The following DNAH11 variants were observed in gnomAD, a reference collection of about 807,000 sequenced individuals.
DNAH11 encodes the protein axonemal beta dynein heavy chain 11.
A neutral mutation model predicts 526.0 loss-of-function variants in DNAH11; 442 were observed. The observed-to-expected ratio is 0.84, with a 90% CI of 0.78 to 0.91. DNAH11 has a LOEUF of 0.91. DNAH11 is among the 40% of genes least tolerant of loss of function. The pLI, the probability that DNAH11 is intolerant of heterozygous loss-of-function variation, is 0.00. For missense variants in DNAH11, 6,989 were observed against 5,448.7 expected, an observed-to-expected ratio of 1.28 and a Z score of -8.90; for synonymous variants, 2,461 against 1,935.9, an observed-to-expected ratio of 1.27 and a Z score of -7.12.
chr7:21,872,234 T>G (rs1783531418), intron 73 of DNAH11, among the ~76,000 whole-genome samples: 1 of 151,566 alleles, frequency 6.6e-6, no homozygotes, highest in African/African-American at 2.4e-5. Flanking sequence ...TGCTGGGGGT[T>G]AAGACTTCAC....
intron 66 of DNAH11, among the ~76,000 whole-genome samples, chr7:21,847,004 TATC>T (rs527484974): frequency 1.0e-3 from 154 of 152,308 alleles, no homozygotes; most frequent in Admixed American, 2.5e-3. Flanking sequence ...ATTCTTTTAT[TATC>T]CTTTAATATT....
At chr7:21,698,315 T>C in intron 36 of DNAH11, 102 bp downstream of exon 36, 2 of 1,493,260 alleles carry the variant, frequency 1.3e-6, no homozygotes, top group South Asian at 2.6e-5. Context: ...CATTAGACAT[T>C]AAAATTTTTT....
At chr7:21,591,129 CAG>C (rs72655995) in intron 13 of DNAH11, 54 bp from the exon 14 acceptor site, 61,166 of 1,521,782 alleles carry the variant, frequency 0.04, 1,377 homozygotes, top group South Asian at 0.052. Context: ...ACCTTTAAGA[CAG>C]AGAAAATAGC....
At position 21,606,480 on chromosome 7, in the gene DNAH11, G is replaced by A; in HGVS notation, c.3703G>A (p.Glu1235Lys). ...AAAGATCGCAGCAACTGTCAGACAT[G>A]AAGTCTCACCTCTCCATAATGCGGA... ...TKKIAATVRH[E>K]VSPLHNAEVT... The change falls in exon 19 of 82, where the codon GAA (glutamate) becomes AAA (lysine). Residue 1235 changes from glutamate to lysine, a missense_variant. Glu to Lys is a moderately conservative substitution (Grantham distance 56). Transcript: ENST00000409508. 6.2e-7 allele frequency: 1 copy of A among 1,611,132 alleles called. No individual in the cohort carries two copies.
chr7:21,634,564 C>G (rs1175906267), intron 25 of DNAH11, among the ~76,000 whole-genome samples: 2 of 152,142 alleles, frequency 1.3e-5, no homozygotes, highest in Non-Finnish European at 2.9e-5. Context: ...GTGAGAAATA[C>G]TAGCTAGGCT....
chr7:21,894,413 G>A (rs1223086781), intron 77 of DNAH11, among the ~76,000 whole-genome samples: 1 of 152,202 alleles, frequency 6.6e-6, no homozygotes, highest in South Asian at 2.1e-4. Flanking sequence ...TGCTGGCACT[G>A]GTACAGAGGC....
chr7:21,778,932 CG>C, intron 56 of DNAH11, 25 bp from the exon 57 acceptor site: 1 of 1,609,250 alleles, frequency 6.2e-7, no homozygotes, highest in South Asian at 1.1e-5. Flanking sequence ...AGGCCAGTGA[CG>C]TAAGAATAAT....
intron 35 of DNAH11, among the ~76,000 whole-genome samples, chr7:21,696,691 G>A (rs1465665522): frequency 1.3e-5 from 2 of 152,128 alleles, no homozygotes; most frequent in Non-Finnish European, 2.9e-5. Flanking sequence ...GAGGCCATAT[G>A]CTTGTGCCTT....
At chr7:21,748,329 C>T (rs1786244778) in intron 51 of DNAH11, among the ~76,000 whole-genome samples, 1 of 152,180 alleles carries the variant, frequency 6.6e-6, no homozygotes, top group African/African-American at 2.4e-5. Flanking sequence ...ACTAAAAATA[C>T]AAAAATCAGC....
intron 64 of DNAH11, 103 bp downstream of exon 64, chr7:21,816,805 G>A (rs576907433): frequency 9.0e-6 from 8 of 889,644 alleles, no homozygotes; most frequent in Non-Finnish European, 1.4e-5. Flanking sequence ...CCACATTGAT[G>A]TATTACAATT....
Position 21,562,933 on chromosome 7 carries a change from T to A in DNAH11, c.983-1253T>A, listed in dbSNP as rs1300614955. Reference sequence around the variant, plus strand: ...CCTGGTGACAAAATTCAGCAGGGTTTTTTTTGTTCTTGACACAAGTCTTTT... The same window carrying A: ...CCTGGTGACAAAATTCAGCAGGGTTATTTTTGTTCTTGACACAAGTCTTTT... On this transcript the variant is annotated intron_variant, in intron 5 of 81. Coordinates refer to ENST00000409508, the MANE Select transcript of DNAH11 (RefSeq NM_001277115.2). Among the ~76,000 whole-genome samples the A allele has an allele frequency of 2.6e-5, 4 of 152,192 alleles. No homozygotes were observed. The East Asian group carries it at 7.7e-4, about 29-fold the overall frequency.
In DNAH11 at chr7:21,886,865, AG is replaced by A. The variant is rs146664472; in HGVS notation, c.12507+2457del. On this transcript the variant is annotated intron_variant, in intron 76 of 81. Transcript: ENST00000409508. Reference sequence around the variant, plus strand: ...TACATACAGATCTGGCGAGGTTTCCAGGATTGAAATGCTTCATTTTGCAAGC... The same window carrying A: ...TACATACAGATCTGGCGAGGTTTCCAGATTGAAATGCTTCATTTTGCAAGC... Among the ~76,000 whole-genome samples, 325 of 152,340 alleles carry A rather than the reference AG, an allele frequency of 2.1e-3. 6 individuals are homozygous for A. The East Asian group carries it at 0.04, about 19-fold the overall frequency.
At chr7:21,773,570 T>G (rs1367587321) in intron 55 of DNAH11, among the ~76,000 whole-genome samples, 196 bp from the exon 56 acceptor site, 5 of 152,174 alleles carry the variant, frequency 3.3e-5, no homozygotes, top group African/African-American at 1.2e-4. Flanking sequence ...AAGAAGAAGG[T>G]TACTCAAGCT....
At chr7:21,726,890 A>AAAAAAAAAAAAAAAAAAAG (rs1785136803) in intron 45 of DNAH11, among the ~76,000 whole-genome samples, 1 of 117,616 alleles carries the variant, frequency 8.5e-6, no homozygotes, top group African/African-American at 3.2e-5. Context: ...AAAAAAAAAA[A>AAAAAAAAAAAAAAAAAAAG]AGAATGCTTA....
chr7:21,646,605 A>T (rs2128462448), intron 28 of DNAH11, among the ~76,000 whole-genome samples: 1 of 152,304 alleles, frequency 6.6e-6, no homozygotes, highest in Non-Finnish European at 1.5e-5. Flanking sequence ...ACATGTGAGG[A>T]AACTACCCAG....
chr7:21,743,840 A>G (rs1029599), intron 49 of DNAH11, among the ~76,000 whole-genome samples: 34,194 of 152,002 alleles, frequency 0.22, 4,243 homozygotes, highest in African/African-American at 0.32. Context: ...AGCCTTTTGC[A>G]GCTCAGTTCT....
chr7:21,725,931 C>G lies in DNAH11; in HGVS notation c.7387C>G (p.Pro2463Ala). 1.3e-6 allele frequency: 2 copies of G among 1,567,224 alleles called. No homozygotes were observed. The highest frequency in any genetic ancestry group is 1.7e-6 in the Non-Finnish European group (2 of 1,154,888). The change falls in exon 45 of 82, where the codon CCC becomes GCC. Residue 2463 changes from proline to alanine, a missense_variant. By Grantham distance (27) the Pro-to-Ala change is conservative. Coordinates refer to ENST00000409508, the MANE Select transcript of DNAH11 (RefSeq NM_001277115.2). The stretch of plus-strand genomic sequence containing the variant: ...GGACCACAAAACTAAGAAATTATTG[C>G]CCTGGGCTGACAAAATTGCCCAGTT... ...YVDHKTKKLL[P>A]WADKIAQFTM...
intron 29 of DNAH11, among the ~76,000 whole-genome samples, chr7:21,656,576 T>A (rs1039496772): frequency 2.6e-5 from 4 of 152,144 alleles, no homozygotes; most frequent in Non-Finnish European, 5.9e-5. Context: ...AATGGCTCAT[T>A]ATGATTTCTG....
At chr7:21,840,198 T>A (rs1006326812) in intron 65 of DNAH11, among the ~76,000 whole-genome samples, 6 of 152,220 alleles carry the variant, frequency 3.9e-5, no homozygotes, top group African/African-American at 1.4e-4. Context: ...TATTGTGACA[T>A]TTCGATAAAA....
Sources: gnomAD v4.1 joint callset for allele counts (sites outside exome capture counted in the v4.1 genomes callset) on GRCh38, gnomAD v4.1.1 for gene constraint, MANE v1.5 for transcripts, NCBI Gene and HGNC (gene_info 2026-07-23, HGNC 2026-07-21) for gene names.